Variants in PMF1 observed in about 807,000 individuals in gnomAD.
PMF1 encodes the protein polyamine-modulated factor 1.
PMF1 carries 21 observed loss-of-function variants against 26.7 expected under a neutral mutation model. The observed-to-expected ratio is 0.79, with a 90% CI of 0.56 to 1.13. The LOEUF (loss-of-function observed/expected upper bound fraction) is 1.13. PMF1 is among the 50% of genes most tolerant of loss of function. PMF1 has a pLI of 0.00. For missense variants in PMF1, 266 were observed against 254.9 expected, an observed-to-expected ratio of 1.04 and a Z score of -0.30; for synonymous variants, 105 against 101.0, an observed-to-expected ratio of 1.04 and a Z score of -0.24.
intron 1 of PMF1, among the ~76,000 whole-genome samples, chr1:156,225,882 T>C (rs1658347835): frequency 6.6e-6 from 1 of 152,190 alleles, no homozygotes; most frequent in Admixed American, 6.5e-5. Context: ...TGAGGTGAAG[T>C]CTCACTCTGT....
chr1:156,222,188 C>G (rs774776682), intron 1 of PMF1, among the ~76,000 whole-genome samples: 5 of 152,210 alleles, frequency 3.3e-5, no homozygotes, highest in Non-Finnish European at 5.9e-5. Context: ...CACCTGAGTG[C>G]CAGTGCAGAC....
chr1:156,227,411 T>G (rs1003676916), intron 1 of PMF1, among the ~76,000 whole-genome samples: 1 of 151,374 alleles, frequency 6.6e-6, no homozygotes, highest in Admixed American at 6.6e-5. Flanking sequence ...GGCTGAGGCA[T>G]GAGAATTGCT....
intron 1 of PMF1, among the ~76,000 whole-genome samples, chr1:156,217,601 C>G (rs975672578): frequency 6.6e-6 from 1 of 151,974 alleles, no homozygotes; most frequent in Admixed American, 6.6e-5. Flanking sequence ...TAATGCCCAC[C>G]AGTAATCTCA....
intron 1 of PMF1, among the ~76,000 whole-genome samples, chr1:156,226,481 C>T (rs1658377861): frequency 6.6e-6 from 1 of 152,260 alleles, no homozygotes; most frequent in South Asian, 2.1e-4. Flanking sequence ...GCCTCATTCA[C>T]TAGCACCTGC....
chr1:156,213,724 A>C (rs1041337662), intron 1 of PMF1, among the ~76,000 whole-genome samples: 9 of 152,152 alleles, frequency 5.9e-5, no homozygotes, highest in African/African-American at 2.2e-4. Flanking sequence ...TGACAGCAAT[A>C]GTACCTTTCT....
chr1:156,220,620 A>T (rs1336546785), intron 1 of PMF1: 1 of 152,004 alleles, frequency 6.6e-6, no homozygotes, highest in Non-Finnish European at 1.5e-5. Flanking sequence ...TTGGAGATAT[A>T]TACATGTATG....
chr1:156,221,180 C>T (rs568656424), intron 1 of PMF1, among the ~76,000 whole-genome samples: 35 of 152,192 alleles, frequency 2.3e-4, no homozygotes, highest in Non-Finnish European at 2.9e-4. Context: ...CTTGCTGCTA[C>T]TGAAAGCCTT....
chr1:156,227,559 C>T (rs948383313), intron 1 of PMF1, among the ~76,000 whole-genome samples: 4 of 149,186 alleles, frequency 2.7e-5, no homozygotes, highest in African/African-American at 7.4e-5. Flanking sequence ...TATAGTGGTG[C>T]GATTTCAGCT....
intron 1 of PMF1, among the ~76,000 whole-genome samples, chr1:156,214,859 GATTATTATT>G (rs1199555277): frequency 2.7e-5 from 4 of 149,328 alleles, no homozygotes; most frequent in Admixed American, 6.6e-5. Flanking sequence ...GAAGGAACCA[GATTATTATT>G]ATTATTATTA....
chr1:156,216,620 G>A (rs535333056), intron 1 of PMF1, among the ~76,000 whole-genome samples: 1 of 151,866 alleles, frequency 6.6e-6, no homozygotes, highest in Non-Finnish European at 1.5e-5. Context: ...GTGCCGGCCC[G>A]GGTCCGGGTC....
chr1:156,228,245 C>T (rs7524487), intron 1 of PMF1, among the ~76,000 whole-genome samples: 1,966 of 144,960 alleles, frequency 0.014, 51 homozygotes, highest in African/African-American at 0.047. Context: ...CGTGAGCCAC[C>T]GCACCTGGCG....
Position 156,232,355 on chromosome 1 carries a change from A to G in PMF1, c.197A>G (p.Tyr66Cys). Residue 66 changes from tyrosine to cysteine, a missense_variant, in exon 2 of 5, where the codon TAC becomes TGC. Coordinates refer to ENST00000368277, the MANE Select transcript of PMF1 (RefSeq NM_007221.4). ...QRFTDCYKCF[Y>C]QLQPAMTQQI... ...TTCACTGACTGCTATAAGTGCTTCT[A>G]CCAGTTGCAGCCTGCGATGACACAG... 1.2e-6 allele frequency: 2 copies of G among 1,614,080 alleles called. No homozygotes were observed. The highest frequency in any genetic ancestry group is 8.5e-7 in the Non-Finnish European group (1 of 1,179,948).
chr1:156,230,772 T>G (rs145162266), intron 1 of PMF1, among the ~76,000 whole-genome samples: 80 of 152,202 alleles, frequency 5.3e-4, no homozygotes, highest in Admixed American at 1.7e-3. Flanking sequence ...TGATTTAAAA[T>G]CAGGCTTGGC....
At chr1:156,229,471 C>G (rs1347967877) in intron 1 of PMF1, among the ~76,000 whole-genome samples, 2 of 151,532 alleles carry the variant, frequency 1.3e-5, no homozygotes, top group Non-Finnish European at 2.9e-5. Context: ...GTATTTCCAC[C>G]AGACAGAGAC....
chr1:156,232,101 C>T (rs1658742352), intron 1 of PMF1, among the ~76,000 whole-genome samples: 1 of 152,170 alleles, frequency 6.6e-6, no homozygotes, highest in African/African-American at 2.4e-5. Flanking sequence ...ACCTGGGGCT[C>T]TCCTAAGAAG....
rs1659011399 is a variant in PMF1 at position 156,236,345 on chromosome 1, G to A, written c.426G>A (p.Leu142=). ...DLHSVMAPYF[L]QQRDTLRRHV... ...ACAGTGTTATGGCACCCTACTTCCT[G>A]CAGCAACGGGACACCCTGCGGCGCC... is the stretch of plus-strand genomic sequence containing the variant. The change falls in exon 4 of 5, where the codon CTG becomes CTA. Residue 142 remains leucine (L), a synonymous_variant. Coordinates refer to ENST00000368277, the MANE Select transcript of PMF1 (RefSeq NM_007221.4). The A allele has an allele frequency of 6.2e-7, 1 of 1,614,080 alleles. No individual in the cohort carries two copies. Among genetic ancestry groups the A allele is most frequent in the South Asian group, 1.1e-5 (1 of 91,092 alleles).
intron 1 of PMF1, among the ~76,000 whole-genome samples, chr1:156,224,668 G>A (rs1002306590): frequency 1.3e-5 from 2 of 151,852 alleles, no homozygotes; most frequent in Non-Finnish European, 2.9e-5. Flanking sequence ...GGAGGCTGAG[G>A]CAGGAGAATG....
intron 1 of PMF1, among the ~76,000 whole-genome samples, chr1:156,214,527 C>T (rs1408775737): frequency 6.6e-6 from 1 of 152,156 alleles, no homozygotes; most frequent in Non-Finnish European, 1.5e-5. Flanking sequence ...CTTTTTGGAG[C>T]TTGCATTCAA....
In PMF1 at chr1:156,213,224, C is replaced by T. The variant is rs373740042; in HGVS notation, c.161+48C>T. 7.5e-6 allele frequency: 12 copies of T among 1,597,822 alleles called. No homozygotes were observed. The African/African-American group carries it at 1.5e-4, about 20-fold the overall frequency. On this transcript the variant is annotated intron_variant, in intron 1 of 4. Coordinates refer to ENST00000368277, the MANE Select transcript of PMF1 (RefSeq NM_007221.4). ...GGGAGTGTTTGTTGGCACCGAAGCT[C>T]AAATCCCGCGAGGTCAGGACGGCCG... is the stretch of plus-strand genomic sequence containing the variant.
Sources: gnomAD v4.1 joint callset for allele counts (sites outside exome capture counted in the v4.1 genomes callset) on GRCh38, gnomAD v4.1.1 for gene constraint, MANE v1.5 for transcripts, NCBI Gene and HGNC (gene_info 2026-07-23, HGNC 2026-07-21) for gene names.